Variants in DIPK1C observed in about 807,000 individuals in gnomAD.
The protein encoded by DIPK1C is divergent protein kinase domain 1C, also known as familial non-conventional Alzheimer's dementia.
DIPK1C carries 33 observed loss-of-function variants against 28.0 expected under a neutral mutation model. That is an observed-to-expected ratio of 1.18 (90% CI 0.89 to 1.58). The LOEUF is 1.58. DIPK1C is among the 40% of genes most tolerant of loss of function. The pLI, the probability that DIPK1C is intolerant of heterozygous loss-of-function variation, is 0.00. For synonymous variants in DIPK1C, 255 were observed against 248.8 expected (o/e 1.02, Z -0.23); for missense variants, 569 against 568.5 (o/e 1.00, Z -0.01).
Position 74,447,330 on chromosome 18 carries a change from A to G in DIPK1C, c.199-47T>C, listed in dbSNP as rs2144522740. ...GTCACCATGGGGAGGGCCTGGTGCC[A>G]TCCGTCTCTCGGCTCGGGTTAGGGA... On this transcript the variant is annotated intron_variant, in intron 1 of 3. Coordinates refer to ENST00000343998, the MANE Select transcript of DIPK1C (RefSeq NM_001044369.3). The surrounding 1 kb of genome is among the most constrained non-coding windows in gnomAD (Gnocchi z 4.1). The G allele has an allele frequency of 2.0e-6, 3 of 1,464,470 alleles. No individual in the cohort carries two copies. Among genetic ancestry groups the G allele is most frequent in the Admixed American group, 2.3e-5 (1 of 44,276 alleles). The allele number at this position is 1,464,470 out of a possible 1,614,324, so 90.7% of individuals were successfully genotyped here. A position where few individuals can be genotyped will look rare whatever the true frequency, so the allele number is the denominator to read the frequency against.
intron 3 of DIPK1C, among the ~76,000 whole-genome samples, chr18:74,440,654 G>A (rs1023327907): frequency 6.6e-6 from 1 of 152,192 alleles, no homozygotes; most frequent in African/African-American, 2.4e-5. Context: ...TTTTCTGTGT[G>A]TTCCTCTTGC....
chr18:74,458,738 C>T (rs187724694), upstream of DIPK1C, among the ~76,000 whole-genome samples: 4 of 152,256 alleles, frequency 2.6e-5, no homozygotes, highest in East Asian at 7.7e-4. Flanking sequence ...ACCAGAAGTA[C>T]CATATTTTCA....
intron 3 of DIPK1C, 146 bp from the exon 4 acceptor site, chr18:74,436,865 G>T: frequency 1.4e-6 from 1 of 703,206 alleles, no homozygotes. Context: ...GAGACCATCC[G>T]ATTTGGAAAC....
At chr18:74,459,810 T>G (rs888807458), upstream of DIPK1C, among the ~76,000 whole-genome samples, 1 of 152,164 alleles carries the variant, frequency 6.6e-6, no homozygotes, top group African/African-American at 2.4e-5. Flanking sequence ...CGTTTCTCCT[T>G]GTCCTGCGCC....
upstream of DIPK1C, among the ~76,000 whole-genome samples, chr18:74,461,298 G>T (rs565247184): frequency 6.6e-6 from 1 of 151,854 alleles, no homozygotes; most frequent in Non-Finnish European, 1.5e-5. Context: ...TGAACCTCAT[G>T]CCTCCTCTCT....
chr18:74,455,295 T>C (rs1175774880), intron 1 of DIPK1C, among the ~76,000 whole-genome samples: 1 of 152,170 alleles, frequency 6.6e-6, no homozygotes, highest in African/African-American at 2.4e-5. Context: ...ATGGCATTCG[T>C]TTTCTATCTT....
At chr18:74,440,389 G>A (rs1024748795) in intron 3 of DIPK1C, among the ~76,000 whole-genome samples, 2 of 152,134 alleles carry the variant, frequency 1.3e-5, no homozygotes, top group South Asian at 4.1e-4. Flanking sequence ...GCATGGCTAT[G>A]TCTAACAGCC....
At chr18:74,442,730 TCAC>T (rs1226881562) in intron 2 of DIPK1C, among the ~76,000 whole-genome samples, 2 of 152,252 alleles carry the variant, frequency 1.3e-5, no homozygotes, top group Non-Finnish European at 2.9e-5. Context: ...TTTGGAACTA[TCAC>T]CACAAGTATT....
At chr18:74,456,966 C>G in intron 1 of DIPK1C, 96 bp downstream of exon 1, 1 of 1,234,392 alleles carries the variant, frequency 8.1e-7, no homozygotes, top group Non-Finnish European at 1.0e-6. Context: ...CGGGTGCCAC[C>G]GCCACCCAAG....
chr18:74,450,508 AAAAATGTCAG>A (rs1044876800), intron 1 of DIPK1C, among the ~76,000 whole-genome samples: 5 of 152,102 alleles, frequency 3.3e-5, no homozygotes, highest in African/African-American at 1.2e-4. Context: ...GGCTCAGGAG[AAAAATGTCAG>A]AGACACTGGG....
intron 1 of DIPK1C, among the ~76,000 whole-genome samples, chr18:74,448,353 A>G (rs1235087577): frequency 6.6e-6 from 1 of 152,182 alleles, no homozygotes; most frequent in African/African-American, 2.4e-5. Context: ...GAAACAACAG[A>G]GTCACCCTCG....
Position 74,446,603 on chromosome 18 carries a change from T to C in DIPK1C, c.876+3A>G, listed in dbSNP as rs1986266164. On this transcript the variant is annotated splice_donor_region_variant and intron_variant, in intron 2 of 3. Coordinates refer to ENST00000343998, the MANE Select transcript of DIPK1C (RefSeq NM_001044369.3). ...CATAAACACACCGACCTGCGCCACT[T>C]ACTGTGAAGTCGCTCCGGATGGCAA... The C allele has an allele frequency of 6.9e-7, 1 of 1,451,586 alleles. No individual in the cohort carries two copies. The highest frequency in any genetic ancestry group is 1.5e-5 in the South Asian group (1 of 68,090). 89.9% of individuals were successfully genotyped at this position (1,451,586 alleles called of 1,614,324 possible). A position where few individuals can be genotyped will look rare whatever the true frequency, so the allele number is the denominator to read the frequency against.
intron 1 of DIPK1C, among the ~76,000 whole-genome samples, chr18:74,450,230 TCTC>T (rs1044457455): frequency 6.6e-6 from 1 of 152,118 alleles, no homozygotes; most frequent in African/African-American, 2.4e-5. Context: ...TGTTTCCTGA[TCTC>T]CTTTTAAATT....
At chr18:74,463,225 G>A in the DIPK1C span, among the ~76,000 whole-genome samples, 5 of 152,150 alleles carry the variant, frequency 3.3e-5, no homozygotes, top group African/African-American at 7.2e-5. Context: ...GATGCTGAAC[G>A]TTATTTGCTT....
In DIPK1C at chr18:74,447,755, C is replaced by T. The variant is rs1986306022; in HGVS notation, c.199-472G>A. Among the ~76,000 whole-genome samples the T allele has an allele frequency of 6.6e-6, 1 of 152,194 alleles. No homozygotes were observed. The highest frequency in any genetic ancestry group is 6.5e-5 in the Admixed American group (1 of 15,294). ...GAGCCCTATCTGCCCCCAGGCTTGA[C>T]CGCAGTAATGACCCTTCCTGCAAGT... On this transcript the variant is annotated intron_variant, in intron 1 of 3. Coordinates refer to ENST00000343998, the MANE Select transcript of DIPK1C (RefSeq NM_001044369.3). This position sits in a 1 kb window ranked among gnomAD's most constrained non-coding sequence, Gnocchi z 4.1.
chr18:74,450,831 G>C (rs1026313806), intron 1 of DIPK1C, among the ~76,000 whole-genome samples: 2 of 152,270 alleles, frequency 1.3e-5, no homozygotes, highest in Non-Finnish European at 2.9e-5. Context: ...AATGACATTA[G>C]AGTGACAGGG....
intron 2 of DIPK1C, among the ~76,000 whole-genome samples, chr18:74,442,943 G>T (rs921908849): frequency 6.6e-6 from 1 of 152,210 alleles, no homozygotes; most frequent in African/African-American, 2.4e-5. Context: ...TGGTCTCCGG[G>T]TGTGATGGAG....
upstream of DIPK1C, among the ~76,000 whole-genome samples, chr18:74,461,459 G>C (rs528366626): frequency 2.1e-5 from 3 of 144,274 alleles, no homozygotes; most frequent in Non-Finnish European, 4.5e-5. Flanking sequence ...CTGGAGTACA[G>C]TGCTGTGATT....
chr18:74,443,125 G>T (rs1424877876), intron 2 of DIPK1C, among the ~76,000 whole-genome samples: 1 of 152,184 alleles, frequency 6.6e-6, no homozygotes, highest in Non-Finnish European at 1.5e-5. Context: ...CACTGTCATT[G>T]TGAGAACCTG....
Sources: gnomAD v4.1 joint callset for allele counts (sites outside exome capture counted in the v4.1 genomes callset) on GRCh38, gnomAD v4.1.1 for gene constraint, Gnocchi (gnomAD v3.1) non-coding constraint, MANE v1.5 for transcripts, NCBI Gene and HGNC (gene_info 2026-07-23, HGNC 2026-07-21) for gene names.